The following ATP2B2 variants were observed in gnomAD, a reference collection of about 807,000 sequenced individuals.
ATP2B2 encodes the protein ATPase plasma membrane Ca2+ transporting 2, also known as plasma membrane calcium-transporting ATPase 2.
Under a neutral mutation model 120.0 loss-of-function variants are expected in ATP2B2, and 15 were observed. That is an observed-to-expected ratio of 0.12 (90% CI 0.08 to 0.19). The LOEUF is 0.19. Among genes scored for constraint, ATP2B2 ranks in the 10% least tolerant of loss-of-function variants. The pLI, the probability that ATP2B2 is intolerant of heterozygous loss-of-function variation, is 1.00. For missense variants in ATP2B2, 1,045 were observed against 1,719.8 expected (o/e 0.61, Z 6.94); for synonymous variants, 694 against 700.3 (o/e 0.99, Z 0.14).
intron 1 of ATP2B2, among the ~76,000 whole-genome samples, chr3:10,461,717 A>G (rs1024185626): frequency 3.9e-5 from 6 of 152,010 alleles, no homozygotes; most frequent in African/African-American, 1.5e-4. Context: ...CTGTTCCTCC[A>G]TCTCTAGGCT....
At chr3:10,394,586 T>C in intron 5 of ATP2B2, 2 of 455,982 alleles carry the variant, frequency 4.4e-6, no homozygotes, top group Non-Finnish European at 9.4e-6. Context: ...CTGGGCCTTC[T>C]GCAGTCACGG....
At chr3:10,332,325 T>A (rs1361592646) in intron 22 of ATP2B2, 4 of 415,242 alleles carry the variant, frequency 9.6e-6, no homozygotes, top group Non-Finnish European at 1.8e-5. Flanking sequence ...GGACCTGGCT[T>A]ATGGGGCTGG....
At chr3:10,479,370 C>A (rs1206937050) in intron 1 of ATP2B2, among the ~76,000 whole-genome samples, 2 of 151,788 alleles carry the variant, frequency 1.3e-5, no homozygotes, top group East Asian at 3.9e-4. Context: ...TTCCTTCTGC[C>A]TAGAATGCTG....
intron 2 of ATP2B2, among the ~76,000 whole-genome samples, chr3:10,597,214 T>C: frequency 8.1e-6 from 1 of 123,072 alleles, no homozygotes; most frequent in Non-Finnish European, 1.7e-5. Context: ...CACAGGAACC[T>C]AGGCACACAC....
At chr3:10,398,627 G>C (rs938019297) in intron 5 of ATP2B2, among the ~76,000 whole-genome samples, 3 of 152,300 alleles carry the variant, frequency 2.0e-5, no homozygotes, top group South Asian at 2.1e-4. Flanking sequence ...GCTCCCTTCT[G>C]AGTCTCCAAG....
At chr3:10,350,008 G>A (rs570233383) in intron 16 of ATP2B2, 104 bp downstream of exon 16, 1 of 1,191,614 alleles carries the variant, frequency 8.4e-7, no homozygotes, top group South Asian at 1.3e-5. Flanking sequence ...CAGGGGCGAG[G>A]GGCCCTTCCC....
In ATP2B2 at chr3:10,402,173, T is replaced by C. The variant is rs537754077; in HGVS notation, c.573A>G (p.Lys191=). ...CCTGGCCAGCCCGGACCACGGTAAA[T>C]TTCTGTTCCTGCTCGATGCGGCTCT... is the stretch of plus-strand genomic sequence containing the variant. ...GLQSRIEQEQ[K]FTVVRAGQVV... is the part of the protein sequence containing the mutation. The change falls in exon 4 of 23, where the codon AAA becomes AAG. Residue 191 remains lysine (K), a synonymous_variant. Transcript: ENST00000360273. This position sits in a 1 kb window ranked among gnomAD's most constrained non-coding sequence, Gnocchi z 4.9. 1 of 1,614,202 alleles carries C rather than the reference T, an allele frequency of 6.2e-7. No individual in the cohort carries two copies. The highest frequency in any genetic ancestry group is 8.5e-7 in the Non-Finnish European group (1 of 1,180,054).
intron 1 of ATP2B2, among the ~76,000 whole-genome samples, chr3:10,455,918 G>A (rs960715298): frequency 6.6e-6 from 1 of 152,264 alleles, no homozygotes; most frequent in Non-Finnish European, 1.5e-5. Flanking sequence ...GCTCTGATGT[G>A]CCAGGCCCTT....
chr3:10,392,177 C>T lies in ATP2B2; in HGVS notation c.782-3775G>A, dbSNP rs575909946. Among the ~76,000 whole-genome samples, 11 of 152,270 alleles carry T rather than the reference C, an allele frequency of 7.2e-5. No homozygotes were observed. In the South Asian group the frequency reaches 1.7e-3, roughly 23 times the overall value. On this transcript the variant is annotated intron_variant, in intron 5 of 22. Transcript: ENST00000360273. ...GTGGGAGTGTCCTCTGGGCCTCCCC[C>T]GCACAGCCTGGTTTGGAGCTGCAAC...
chr3:10,481,629 C>T (rs2065418991), intron 1 of ATP2B2, among the ~76,000 whole-genome samples: 2 of 152,240 alleles, frequency 1.3e-5, no homozygotes, highest in African/African-American at 4.8e-5. Flanking sequence ...TCTCTGCCCA[C>T]TGCAACCTCC....
intron 1 of ATP2B2, among the ~76,000 whole-genome samples, chr3:10,680,553 C>G (rs1236859730): frequency 1.3e-5 from 2 of 152,124 alleles, no homozygotes; most frequent in African/African-American, 4.8e-5. Context: ...TTGGCATCTT[C>G]ATCCAGAGGA....
chr3:10,403,642 C>T (rs1055187109), intron 3 of ATP2B2, among the ~76,000 whole-genome samples: 1 of 152,212 alleles, frequency 6.6e-6, no homozygotes, highest in Admixed American at 6.5e-5. Context: ...GAATCTCCAG[C>T]AGCATCGGAT....
At chr3:10,662,836 C>T (rs924249127) in intron 1 of ATP2B2, among the ~76,000 whole-genome samples, 60 of 151,968 alleles carry the variant, frequency 3.9e-4, no homozygotes, top group Non-Finnish European at 6.8e-4. Context: ...AGACTTGGAT[C>T]CAACCCAAAT....
chr3:10,544,262 A>G (rs548054390), intron 2 of ATP2B2, among the ~76,000 whole-genome samples: 4 of 152,260 alleles, frequency 2.6e-5, no homozygotes, highest in African/African-American at 9.6e-5. Flanking sequence ...TCGGTGCAAA[A>G]CCAGTGCCAC....
intron 3 of ATP2B2, among the ~76,000 whole-genome samples, chr3:10,530,931 G>A (rs954308779): frequency 6.6e-6 from 1 of 152,232 alleles, no homozygotes; most frequent in African/African-American, 2.4e-5. Flanking sequence ...GGAGGATTTA[G>A]TTGTCGTTCT....
At chr3:10,559,095 GA>G (rs1235827480) in intron 2 of ATP2B2, among the ~76,000 whole-genome samples, 1 of 152,194 alleles carries the variant, frequency 6.6e-6, no homozygotes, top group East Asian at 1.9e-4. Flanking sequence ...CCTCAGTTTT[GA>G]AATGCAAGTC....
chr3:10,365,046 C>T (rs1575023430), intron 12 of ATP2B2, among the ~76,000 whole-genome samples: 2 of 152,230 alleles, frequency 1.3e-5, no homozygotes, highest in Admixed American at 6.5e-5. Context: ...GCAGGGGCTG[C>T]TCTTTCTCTC....
In ATP2B2 at chr3:10,664,075, C is replaced by G. The variant is rs529919317; in HGVS notation, c.-460+43840G>C. Among the ~76,000 whole-genome samples the G allele has an allele frequency of 1.2e-3, 179 of 152,214 alleles. 1 individual carries two copies. The highest frequency in any genetic ancestry group is 4.0e-3 in the African/African-American group (166 of 41,530). ...CAGAATCTCAGTAGTGCCATTACCC[C>G]CATCTGACAGGTGCGGAAATAGAGG... On this transcript the variant is annotated intron_variant, in intron 1 of 21. Transcript: ENST00000646379.
chr3:10,386,181 G>A (rs1376325285), intron 7 of ATP2B2, among the ~76,000 whole-genome samples: 1 of 152,188 alleles, frequency 6.6e-6, no homozygotes, highest in African/African-American at 2.4e-5. Flanking sequence ...TCCTATGATG[G>A]TGAGCAAGCT....
Sources: gnomAD v4.1 joint callset for allele counts (sites outside exome capture counted in the v4.1 genomes callset) on GRCh38, gnomAD v4.1.1 for gene constraint, Gnocchi (gnomAD v3.1) non-coding constraint, MANE v1.5 for transcripts, NCBI Gene and HGNC (gene_info 2026-07-23, HGNC 2026-07-21) for gene names.